SCN2A: variants seen among roughly 807,000 people sequenced by gnomAD.
SCN2A encodes the protein sodium channel protein type 2 subunit alpha.
SCN2A carries 20 observed loss-of-function variants against 188.7 expected under a neutral mutation model. The ratio of observed to expected loss-of-function variants is 0.11; its 90% CI spans 0.07 to 0.15. The LOEUF (loss-of-function observed/expected upper bound fraction) is 0.15, where lower values mean the gene tolerates loss of function less well. Among genes scored for constraint, SCN2A ranks in the 10% least tolerant of loss-of-function variants. SCN2A has a pLI of 1.00. For missense variants in SCN2A, 1,278 were observed against 2,445.0 expected (o/e 0.52, Z 10.07); for synonymous variants, 804 against 833.1 (o/e 0.97, Z 0.60).
At chr2:165,308,191 T>C (rs1010893539) in intron 4 of SCN2A, among the ~76,000 whole-genome samples, 2 of 152,154 alleles carry the variant, frequency 1.3e-5, no homozygotes, top group African/African-American at 4.8e-5. Context: ...TCTTATGTTC[T>C]TTTGAAGATC....
At position 165,278,150 on chromosome 2, in the gene SCN2A, T is replaced by C. The variant is rs1189525419; in HGVS notation, c.-51-17623T>C. On this transcript the variant is annotated intron_variant, in intron 1 of 26. Transcript: ENST00000375437. Reference sequence around the variant, plus strand: ...CAGGTAGTGAAAATAGCTTAAACAATACCCCTGAAGTGGAAACACAGAGAT... The same window carrying C: ...CAGGTAGTGAAAATAGCTTAAACAACACCCCTGAAGTGGAAACACAGAGAT... Among the ~76,000 whole-genome samples, 80 of 152,308 alleles carry C rather than the reference T, an allele frequency of 5.3e-4. 1 individual carries two copies. Among genetic ancestry groups the C allele is most frequent in the Non-Finnish European group, 1.5e-5 (1 of 68,034 alleles).
chr2:165,331,042 C>T (rs1214406556), intron 13 of SCN2A, among the ~76,000 whole-genome samples: 2 of 152,100 alleles, frequency 1.3e-5, no homozygotes, highest in Admixed American at 6.6e-5. Flanking sequence ...AAGTTCTACC[C>T]ATTAGTTTCT....
intron 21 of SCN2A, 55 bp downstream of exon 21, chr2:165,373,402 C>A: frequency 1.3e-6 from 2 of 1,591,886 alleles, no homozygotes; most frequent in South Asian, 1.1e-5. Context: ...CAGACTGACA[C>A]TTTGTACCAT....
chr2:165,258,127 C>T (rs904251558), intron 1 of SCN2A, among the ~76,000 whole-genome samples: 1 of 152,070 alleles, frequency 6.6e-6, no homozygotes, highest in African/African-American at 2.4e-5. Flanking sequence ...TGTCAGTTTA[C>T]TCTGTTGAAT....
chr2:165,290,863 G>T, intron 1 of SCN2A: 1 of 815,054 alleles, frequency 1.2e-6, no homozygotes, highest in Non-Finnish European at 1.5e-6. Context: ...TCCCGATATT[G>T]ATAATGTTAC....
chr2:165,385,147 A>G (rs1701802352), intron 25 of SCN2A, among the ~76,000 whole-genome samples: 3 of 152,122 alleles, frequency 2.0e-5, no homozygotes, highest in African/African-American at 4.8e-5. Context: ...TCACCATTGG[A>G]AGTAATAGAA....
At chr2:165,246,452 C>G (rs1411552296) in intron 1 of SCN2A, among the ~76,000 whole-genome samples, 1 of 152,156 alleles carries the variant, frequency 6.6e-6, no homozygotes, top group African/African-American at 2.4e-5. Flanking sequence ...ATCCTTCCTT[C>G]ATACATCCTA....
chr2:165,370,629 T>A, intron 20 of SCN2A: 1 of 283,140 alleles, frequency 3.5e-6, no homozygotes, highest in South Asian at 4.4e-5. Context: ...TGTATTTAAA[T>A]TTTTCACAGG....
intron 1 of SCN2A, among the ~76,000 whole-genome samples, chr2:165,292,741 A>C (rs529545827): frequency 6.6e-6 from 1 of 152,292 alleles, no homozygotes; most frequent in South Asian, 2.1e-4. Flanking sequence ...GATTTTTGCT[A>C]TCAGATTTTG....
chr2:165,300,069 G>A (rs1559346313), intron 3 of SCN2A, among the ~76,000 whole-genome samples: 1 of 152,122 alleles, frequency 6.6e-6, no homozygotes, highest in African/African-American at 2.4e-5. Flanking sequence ...TTCTTTTGAT[G>A]TGCCTAGTGT....
At chr2:165,303,116 A>G (rs1225845748) in intron 3 of SCN2A, among the ~76,000 whole-genome samples, 1 of 152,290 alleles carries the variant, frequency 6.6e-6, no homozygotes. Flanking sequence ...ACACATTTAA[A>G]AAATAATATA....
intron 13 of SCN2A, among the ~76,000 whole-genome samples, chr2:165,329,934 G>C (rs1447615590): frequency 6.6e-6 from 1 of 152,102 alleles, no homozygotes. Flanking sequence ...AATATCCAAA[G>C]AGACAATTGA....
At chr2:165,335,399 G>A (rs1698933295) in intron 14 of SCN2A, among the ~76,000 whole-genome samples, 1 of 151,680 alleles carries the variant, frequency 6.6e-6, no homozygotes, top group Non-Finnish European at 1.5e-5. Context: ...ACTGGCATAA[G>A]GATAGCTATA....
chr2:165,260,460 G>A (rs1414640674), intron 1 of SCN2A, among the ~76,000 whole-genome samples: 1 of 152,156 alleles, frequency 6.6e-6, no homozygotes, highest in African/African-American at 2.4e-5. Flanking sequence ...GCTGTAAACA[G>A]ATGTGCTGTC....
In SCN2A at chr2:165,389,095, C is replaced by T. The variant is rs1381791914; in HGVS notation, c.5289C>T (p.Ser1763=). 2.0e-5 allele frequency: 32 copies of T among 1,613,936 alleles called. No individual in the cohort carries two copies. Among genetic ancestry groups the T allele is most frequent in the South Asian group, 3.3e-5 (3 of 91,076 alleles). The change falls in exon 27 of 27, where the codon TCC becomes TCT. Residue 1763 remains serine (S), a synonymous_variant. Coordinates refer to ENST00000375437, the MANE Select transcript of SCN2A (RefSeq NM_001040142.2). This position sits in a 1 kb window ranked among gnomAD's most constrained non-coding sequence, Gnocchi z 4.2. ...IFFFVSYIII[S]FLVVVNMYIA... ...TTTTTGTCAGTTACATCATCATATC[C>T]TTCCTGGTTGTGGTGAACATGTACA...
At chr2:165,384,196 G>A (rs998389795) in intron 25 of SCN2A, among the ~76,000 whole-genome samples, 4 of 151,978 alleles carry the variant, frequency 2.6e-5, no homozygotes, top group Non-Finnish European at 5.9e-5. Flanking sequence ...AGGAAACAGA[G>A]GAGTTTATTT....
In SCN2A at chr2:165,310,315, G is replaced by A; in HGVS notation, c.698-8G>A. Reference sequence around the variant, plus strand: ...TATTTAAATTCCCCCTTCTGATTTTGTTTGTAGGCCTGAAGACCATTGTGG... The same window carrying A: ...TATTTAAATTCCCCCTTCTGATTTTATTTGTAGGCCTGAAGACCATTGTGG... On this transcript the variant is annotated splice_polypyrimidine_tract_variant and splice_region_variant and intron_variant, in intron 6 of 26. Coordinates refer to ENST00000375437, the MANE Select transcript of SCN2A (RefSeq NM_001040142.2). 1.2e-6 allele frequency: 2 copies of A among 1,613,404 alleles called. No individual in the cohort carries two copies. The highest frequency in any genetic ancestry group is 1.7e-6 in the Non-Finnish European group (2 of 1,179,454).
At chr2:165,249,714 T>C (rs1237098371) in intron 1 of SCN2A, among the ~76,000 whole-genome samples, 1 of 151,918 alleles carries the variant, frequency 6.6e-6, no homozygotes, top group African/African-American at 2.4e-5. Context: ...TCCTAAAGAG[T>C]CTTCAAGCAT....
At chr2:165,367,819 G>C (rs890736427) in intron 19 of SCN2A, among the ~76,000 whole-genome samples, 2 of 152,186 alleles carry the variant, frequency 1.3e-5, no homozygotes, top group Non-Finnish European at 2.9e-5. Context: ...GCAGGTGACT[G>C]GGTGCAGGAG....
Sources: allele counts gnomAD v4.1 joint callset (sites outside exome capture counted in the v4.1 genomes callset), GRCh38; gene constraint gnomAD v4.1.1; non-coding constraint Gnocchi (gnomAD v3.1); transcripts MANE v1.5; gene names NCBI Gene and HGNC (gene_info 2026-07-23, HGNC 2026-07-21).